TTC13: variants seen among roughly 807,000 people sequenced by gnomAD.
TTC13 encodes the protein tetratricopeptide repeat domain 13.
A neutral mutation model predicts 120.0 loss-of-function variants in TTC13; 62 were observed. The observed-to-expected ratio is 0.52, with a 90% CI of 0.42 to 0.64. The LOEUF is 0.64. Ranked by LOEUF, TTC13 falls within the 30% of genes least tolerant of loss-of-function variation. TTC13 has a pLI of 0.00. For synonymous variants in TTC13, 384 were observed against 393.5 expected, an observed-to-expected ratio of 0.98 and a Z score of 0.28; for missense variants, 824 against 1,050.2, an observed-to-expected ratio of 0.78 and a Z score of 2.98.
intron 20 of TTC13, among the ~76,000 whole-genome samples, chr1:230,909,619 A>G (rs1671294892): frequency 1.3e-5 from 2 of 152,258 alleles, no homozygotes; most frequent in African/African-American, 4.8e-5. Context: ...CATGTATACA[A>G]TAAAGTTCAT....
intron 10 of TTC13, 128 bp from the exon 11 acceptor site, chr1:230,931,600 G>A: frequency 6.9e-7 from 1 of 1,449,116 alleles, no homozygotes; most frequent in Non-Finnish European, 9.4e-7. Context: ...CAGGACAAGA[G>A]CAATGATTTC....
chr1:230,967,170 CCTT>C (rs66670033), intron 1 of TTC13, among the ~76,000 whole-genome samples: 29,406 of 151,828 alleles, frequency 0.19, 3,033 homozygotes, highest in East Asian at 0.4. Context: ...TAATTTAGCA[CCTT>C]ATTATACTAG....
At chr1:230,961,143 A>T (rs1448840625) in intron 2 of TTC13, 66 bp downstream of exon 2, 1 of 1,327,636 alleles carries the variant, frequency 7.5e-7, no homozygotes, top group Non-Finnish European at 1.1e-6. Context: ...GGCGACTTCC[A>T]CTTTTTGGAA....
intron 4 of TTC13, among the ~76,000 whole-genome samples, chr1:230,949,213 A>G (rs1171893699): frequency 7.9e-6 from 1 of 126,860 alleles, no homozygotes; most frequent in Non-Finnish European, 1.7e-5. Flanking sequence ...TGCTAAGCCT[A>G]TTCTTCCCAA....
chr1:230,977,604 T>C (rs1678454747), intron 1 of TTC13, among the ~76,000 whole-genome samples: 1 of 151,978 alleles, frequency 6.6e-6, no homozygotes, highest in Non-Finnish European at 1.5e-5. Flanking sequence ...AAAGGTATTG[T>C]TTTCCCAGGT....
rs1479302601 is a variant in TTC13 at position 230,914,518 on chromosome 1, C to T, written c.2093+1675G>A. 1.1e-4 allele frequency among the ~76,000 whole-genome samples: 16 copies of T among 152,204 alleles called. No individual in the cohort carries two copies. The South Asian group carries it at 2.9e-3, about 28-fold the overall frequency. ...CAAGCGATTCTCCTGCCTCAGCCTC[C>T]AGAGTAGCTGGAATTACAGGTGCGC... On this transcript the variant is annotated intron_variant, in intron 18 of 22. Coordinates refer to ENST00000366661, the MANE Select transcript of TTC13 (RefSeq NM_024525.5).
chr1:230,916,401 A>C, intron 17 of TTC13, 99 bp from the exon 18 acceptor site: 1 of 907,784 alleles, frequency 1.1e-6, no homozygotes, highest in Non-Finnish European at 1.8e-6. Flanking sequence ...TGTTTTTAAA[A>C]AGGGCCAAGG....
At chr1:230,970,830 T>C (rs1420426196) in intron 1 of TTC13, among the ~76,000 whole-genome samples, 1 of 152,182 alleles carries the variant, frequency 6.6e-6, no homozygotes, top group African/African-American at 2.4e-5. Context: ...GACAGCACAC[T>C]GAGCTACTTG....
At chr1:230,909,935 T>C (rs569870821) in intron 20 of TTC13, among the ~76,000 whole-genome samples, 2 of 152,120 alleles carry the variant, frequency 1.3e-5, no homozygotes, top group East Asian at 3.9e-4. Flanking sequence ...CTTCTGCTCT[T>C]GGTGAGGGAA....
At chr1:230,935,169 C>T (rs1274961837) in intron 8 of TTC13, among the ~76,000 whole-genome samples, 3 of 152,142 alleles carry the variant, frequency 2.0e-5, no homozygotes, top group Admixed American at 6.5e-5. Context: ...ATGGTGTAAC[C>T]TTGATCTTTT....
At chr1:230,967,838 A>G (rs1293730137) in intron 1 of TTC13, among the ~76,000 whole-genome samples, 1 of 152,248 alleles carries the variant, frequency 6.6e-6, no homozygotes, top group Non-Finnish European at 1.5e-5. Flanking sequence ...CATAAATAGT[A>G]TAAATTTCCT....
chr1:230,959,423 C>T (rs1676414498), intron 2 of TTC13, among the ~76,000 whole-genome samples: 1 of 151,762 alleles, frequency 6.6e-6, no homozygotes. Context: ...CTCTTTTTGC[C>T]CAGGCTTGAG....
intron 1 of TTC13, among the ~76,000 whole-genome samples, chr1:230,968,184 T>TTG (rs140473990): frequency 7.6e-6 from 1 of 130,902 alleles, no homozygotes; most frequent in South Asian, 2.7e-4. Flanking sequence ...CCTATGGTGG[T>TTG]GGGGGGGGGG....
chr1:230,915,266 G>A (rs1195081540), intron 18 of TTC13, among the ~76,000 whole-genome samples: 1 of 152,194 alleles, frequency 6.6e-6, no homozygotes, highest in Non-Finnish European at 1.5e-5. Context: ...TGGAGAATGT[G>A]AGTCATAGTC....
intron 4 of TTC13, among the ~76,000 whole-genome samples, chr1:230,947,042 A>T (rs527237395): frequency 6.6e-6 from 1 of 152,188 alleles, no homozygotes; most frequent in Non-Finnish European, 1.5e-5. Context: ...ACTGTACTTA[A>T]TATATTGTTA....
chr1:230,951,912 A>G (rs1449589975), intron 4 of TTC13, among the ~76,000 whole-genome samples: 1 of 152,210 alleles, frequency 6.6e-6, no homozygotes, highest in East Asian at 1.9e-4. Context: ...GCTATCACCT[A>G]CTTTTACAGT....
Position 230,968,998 on chromosome 1 carries a change from G to A in TTC13, c.272-7695C>T, listed in dbSNP as rs541250051. On this transcript the variant is annotated intron_variant, in intron 1 of 22. Transcript: ENST00000366661. ...GTCTCTAAGAAAGCTTAGGGGGCTG[G>A]GTGCGGTGGCTCACGCCTGTAATCC... Among the ~76,000 whole-genome samples, 10 of 152,348 alleles carry A rather than the reference G, an allele frequency of 6.6e-5. No individual in the cohort carries two copies. The East Asian group carries it at 1.9e-3, about 29-fold the overall frequency.
chr1:230,933,436 T>C (rs1673749072), intron 9 of TTC13, among the ~76,000 whole-genome samples: 2 of 152,142 alleles, frequency 1.3e-5, no homozygotes, highest in African/African-American at 4.8e-5. Context: ...AAAGAGATCA[T>C]AGGAAATTTA....
intron 14 of TTC13, among the ~76,000 whole-genome samples, chr1:230,924,319 T>C (rs1365939178): frequency 6.6e-6 from 1 of 152,190 alleles, no homozygotes; most frequent in Admixed American, 6.5e-5. Context: ...ATTGAAAATG[T>C]GACAACAATC....
Sources: allele counts gnomAD v4.1 joint callset (sites outside exome capture counted in the v4.1 genomes callset), GRCh38; gene constraint gnomAD v4.1.1; transcripts MANE v1.5; gene names NCBI Gene and HGNC (gene_info 2026-07-23, HGNC 2026-07-21).